SCIN: variants seen among roughly 807,000 people sequenced by gnomAD.
SCIN encodes the protein adseverin.
In SCIN, 91 loss-of-function variants were observed where a neutral mutation model predicts 91.8. That is an observed-to-expected ratio of 0.99 (90% CI 0.84 to 1.18). The LOEUF (loss-of-function observed/expected upper bound fraction) is 1.18, where lower values mean the gene tolerates loss of function less well. Among genes scored for constraint, SCIN ranks in the 50% most tolerant of loss-of-function variants. The pLI is 0.00. For missense variants in SCIN, 1,087 were observed against 863.9 expected, an observed-to-expected ratio of 1.26 and a Z score of -3.24; for synonymous variants, 367 against 312.6, an observed-to-expected ratio of 1.17 and a Z score of -1.84.
intron 4 of SCIN, among the ~76,000 whole-genome samples, chr7:12,620,540 A>G (rs1583303932): frequency 6.6e-6 from 1 of 152,142 alleles, no homozygotes; most frequent in East Asian, 1.9e-4. Context: ...CTTGATCTAG[A>G]GTCATATTCC....
intron 3 of SCIN, among the ~76,000 whole-genome samples, chr7:12,600,099 A>C (rs927788439): frequency 6.6e-6 from 1 of 152,188 alleles, no homozygotes; most frequent in Non-Finnish European, 1.5e-5. Context: ...GCCAATGTCT[A>C]GAAAGGTTTT....
At chr7:12,649,640 C>A in intron 14 of SCIN, 96 bp downstream of exon 14, 3 of 732,984 alleles carry the variant, frequency 4.1e-6, no homozygotes, top group South Asian at 2.0e-5. Flanking sequence ...TATAAATGAG[C>A]CTAGAGATTT....
intron 13 of SCIN, among the ~76,000 whole-genome samples, chr7:12,646,413 C>T (rs1043584449): frequency 3.9e-5 from 6 of 152,164 alleles, no homozygotes; most frequent in Non-Finnish European, 7.3e-5. Flanking sequence ...AGACACTAAG[C>T]AGGGGCACTG....
intron 10 of SCIN, 108 bp from the exon 11 acceptor site, chr7:12,640,239 T>A: frequency 1.0e-6 from 1 of 957,638 alleles, no homozygotes; most frequent in Non-Finnish European, 1.4e-6. Flanking sequence ...TGACTTTTTA[T>A]TTTTTGTTTT....
At chr7:12,595,156 G>A (rs994863923) in intron 3 of SCIN, among the ~76,000 whole-genome samples, 4 of 152,102 alleles carry the variant, frequency 2.6e-5, no homozygotes, top group Non-Finnish European at 5.9e-5. Flanking sequence ...AAGGTCAGGC[G>A]AGTAAGCTTA....
intron 1 of SCIN, chr7:12,571,532 T>C (rs758073764): frequency 1.4e-4 from 63 of 442,288 alleles, no homozygotes; most frequent in South Asian, 1.1e-3. Flanking sequence ...TGTTCTGGGC[T>C]TCTTTAAAAC....
chr7:12,644,219 G>C lies in SCIN; in HGVS notation c.1663G>C (p.Gly555Arg). The change falls in exon 12 of 16, where the codon GGA (glycine) becomes CGA (arginine). Residue 555 changes from glycine (G) to arginine (R), a missense_variant. Physicochemically the swap from Gly to Arg is moderately radical, Grantham distance 125. Coordinates refer to ENST00000297029, the MANE Select transcript of SCIN (RefSeq NM_001112706.3). ...LPQNSGYIWVGKGASQEEEKG... is the reference protein window; with the variant it reads ...LPQNSGYIWVRKGASQEEEKG... ...ACAAAATAGTGGCTACATCTGGGTA[G>C]GAAAAGGTGCTAGCCAGGAGGAGGA... 3 of 1,611,444 alleles carry C rather than the reference G, an allele frequency of 1.9e-6. No individual in the cohort carries two copies. The African/African-American group carries it at 4.0e-5, about 21-fold the overall frequency.
intron 1 of SCIN, among the ~76,000 whole-genome samples, chr7:12,574,821 G>A (rs941573121): frequency 3.9e-5 from 6 of 152,050 alleles, no homozygotes; most frequent in African/African-American, 1.2e-4. Flanking sequence ...AGCTATTCCA[G>A]GGCCTGCGCC....
chr7:12,639,423 A>T (rs1783814500), intron 10 of SCIN, among the ~76,000 whole-genome samples: 1 of 152,236 alleles, frequency 6.6e-6, no homozygotes, highest in Non-Finnish European at 1.5e-5. Flanking sequence ...TGTAATGAGT[A>T]CATGCATCAG....
intron 3 of SCIN, among the ~76,000 whole-genome samples, chr7:12,591,315 G>A (rs780682976): frequency 6.6e-6 from 1 of 152,140 alleles, no homozygotes; most frequent in Non-Finnish European, 1.5e-5. Flanking sequence ...AGGAGATCTT[G>A]TAGATTATGA....
intron 4 of SCIN, 117 bp downstream of exon 4, chr7:12,604,780 C>T (rs1783038502): frequency 1.2e-6 from 1 of 805,050 alleles, no homozygotes; most frequent in Non-Finnish European, 1.9e-6. Flanking sequence ...AGATTCAACA[C>T]ATGTTTCAAT....
chr7:12,596,219 T>G (rs1393364391), intron 3 of SCIN: 2 of 377,178 alleles, frequency 5.3e-6, no homozygotes, highest in South Asian at 4.1e-5. Context: ...ATATGCAGTG[T>G]GTCTAGGAAG....
rs1481027678 is a variant in SCIN at position 12,658,630 on chromosome 7, C to T, written c.*5915C>T. ...ATTATCTCCATTATTTTGAAGGAGC[C>T]AGGTGCTTGGGGAACCTGGTTGTAC... is the stretch of plus-strand genomic sequence containing the variant. On this transcript the variant is annotated 3_prime_UTR_variant, in exon 16 of 16. Coordinates refer to ENST00000297029, the MANE Select transcript of SCIN (RefSeq NM_001112706.3). 1 of 152,148 alleles carries T rather than the reference C, an allele frequency of 6.6e-6. No individual in the cohort carries two copies. Among genetic ancestry groups the T allele is most frequent in the East Asian group, 1.9e-4 (1 of 5,188 alleles). The allele number at this position is 152,148 out of a possible 1,614,324, so 9.4% of individuals were successfully genotyped here.
intron 3 of SCIN, chr7:12,595,496 G>C (rs1782822236): frequency 6.6e-6 from 1 of 151,928 alleles, no homozygotes; most frequent in East Asian, 1.9e-4. Context: ...TCCTGGGGCA[G>C]ATTGTTCCTA....
At chr7:12,642,172 A>G (rs1783871032) in intron 11 of SCIN, among the ~76,000 whole-genome samples, 1 of 151,900 alleles carries the variant, frequency 6.6e-6, no homozygotes, top group Non-Finnish European at 1.5e-5. Flanking sequence ...TACATAGACT[A>G]TTGCTCCTAT....
chr7:12,626,841 G>T, intron 8 of SCIN, 42 bp downstream of exon 8: 1 of 1,512,924 alleles, frequency 6.6e-7, no homozygotes, highest in Non-Finnish European at 9.0e-7. Flanking sequence ...ATTAATGCCA[G>T]TGTATGTAGG....
Position 12,626,756 on chromosome 7 carries a change from C to T in SCIN, c.1154C>T (p.Ala385Val). The change falls in exon 8 of 16, where the codon GCA (alanine) becomes GTA (valine). Residue 385 changes from alanine to valine, a missense_variant. By Grantham distance (64) the Ala-to-Val change is moderately conservative. Transcript: ENST00000297029. ...AAATTACACAGTTCTCCGCAGATGGCAGCCCAGCACAATATGGTGGATGAT... is the reference window on the plus strand; with the variant it reads ...AAATTACACAGTTCTCCGCAGATGGTAGCCCAGCACAATATGGTGGATGAT... ...ASKLHSSPQM[A>V]AQHNMVDDGS... 1 of 1,610,592 alleles carries T rather than the reference C, an allele frequency of 6.2e-7. No homozygotes were observed. The highest frequency in any genetic ancestry group is 8.5e-7 in the Non-Finnish European group (1 of 1,178,468).
At position 12,578,909 on chromosome 7, in the gene SCIN, G is replaced by GTTTTTTTTTTTTTTTTTTTTTTT; in HGVS notation, c.354+706_354+707insTTTTTTTTTTTTTTTTTTTTTTT. The stretch of plus-strand genomic sequence containing the variant: ...TAAGGCAGCCTTCAGTATAGGACAG[G>GTTTTTTTTTTTTTTTTTTTTTTT]TTTTTTTTTTTTTTTGGCATCCTCC... On this transcript the variant is annotated intron_variant, in intron 2 of 15. Coordinates refer to ENST00000297029, the MANE Select transcript of SCIN (RefSeq NM_001112706.3). Among the ~76,000 whole-genome samples the GTTTTTTTTTTTTTTTTTTTTTTT allele has an allele frequency of 4.5e-4, 39 of 85,880 alleles. 7 individuals carry two copies. The highest frequency in any genetic ancestry group is 1.3e-3 in the African/African-American group (25 of 19,424). The allele number at this position is 85,880 out of a possible 152,430, so 56.3% of individuals were successfully genotyped here. A position where few individuals can be genotyped will look rare whatever the true frequency, so the allele number is the denominator to read the frequency against.
At chr7:12,626,852 G>A (rs924180243) in intron 8 of SCIN, 53 bp downstream of exon 8, 3 of 1,434,580 alleles carry the variant, frequency 2.1e-6, no homozygotes, top group African/African-American at 2.8e-5. Flanking sequence ...TGTATGTAGG[G>A]GGAGGGTGGG....
Sources: allele counts gnomAD v4.1 joint callset (sites outside exome capture counted in the v4.1 genomes callset), GRCh38; gene constraint gnomAD v4.1.1; transcripts MANE v1.5; gene names NCBI Gene and HGNC (gene_info 2026-07-23, HGNC 2026-07-21).